The following FRAS1 variants were observed in gnomAD, a reference collection of about 807,000 sequenced individuals.
The protein encoded by FRAS1 is Fraser extracellular matrix complex subunit 1.
Under a neutral mutation model 435.2 loss-of-function variants are expected in FRAS1, and 290 were observed. That is an observed-to-expected ratio of 0.67 (90% confidence interval 0.61 to 0.73). The LOEUF (loss-of-function observed/expected upper bound fraction) is 0.73, where lower values mean the gene tolerates loss of function less well. Ranked by LOEUF, FRAS1 falls within the 30% of genes least tolerant of loss-of-function variation. The pLI is 0.00. For synonymous variants in FRAS1, 1,800 were observed against 1,851.0 expected (o/e 0.97, Z 0.71); for missense variants, 4,860 against 5,001.5 (o/e 0.97, Z 0.85).
Position 78,278,720 on chromosome 4 carries a change from T to G in FRAS1, c.1047T>G (p.Cys349Trp). 1 of 1,601,766 alleles carries G rather than the reference T, an allele frequency of 6.2e-7. No homozygotes were observed. The highest frequency in any genetic ancestry group is 2.2e-5 in the East Asian group (1 of 44,808). ...CPECISRNGY[C>W]VYEETGEFMS... Reference sequence around the variant, plus strand: ...AATGCATTTCAAGGAATGGTTATTGTGTTTATGAAGAAACTGGAGAATTTG... The same window carrying G: ...AATGCATTTCAAGGAATGGTTATTGGGTTTATGAAGAAACTGGAGAATTTG... Residue 349 changes from cysteine to tryptophan, a missense_variant, in exon 10 of 74, where the codon TGT becomes TGG. Physicochemically the swap from Cys to Trp is radical, Grantham distance 215. Coordinates refer to ENST00000512123, the MANE Select transcript of FRAS1 (RefSeq NM_025074.7).
intron 2 of FRAS1, among the ~76,000 whole-genome samples, chr4:78,076,533 G>A (rs748656772): frequency 6.6e-6 from 1 of 152,138 alleles, no homozygotes; most frequent in Non-Finnish European, 1.5e-5. Context: ...CCTAAGTGTT[G>A]GAAAGTATAG....
chr4:78,286,246 G>A, intron 13 of FRAS1, 159 bp from the exon 14 acceptor site: 1 of 792,516 alleles, frequency 1.3e-6, no homozygotes, highest in Non-Finnish European at 2.2e-6. Flanking sequence ...GACATGAACT[G>A]TGTGCTATAC....
chr4:78,081,443 G>A (rs6843142), intron 2 of FRAS1, among the ~76,000 whole-genome samples: 101,000 of 152,024 alleles, frequency 0.66, 34,127 homozygotes, highest in East Asian at 0.86. Context: ...TTTGTAGCAA[G>A]ACTGTGATGC....
At chr4:78,504,449 A>AATTG (rs1231816338) in intron 61 of FRAS1, among the ~76,000 whole-genome samples, 10 of 152,178 alleles carry the variant, frequency 6.6e-5, no homozygotes, top group Non-Finnish European at 1.3e-4. Context: ...CTTCTTGTTG[A>AATTG]ATTGATCCCT....
Position 78,364,139 on chromosome 4 carries a change from C to G in FRAS1, c.2722+85C>G. The G allele has an allele frequency of 5.0e-6, 7 of 1,397,390 alleles. No homozygotes were observed. In the South Asian group the frequency reaches 5.6e-5, roughly 11 times the overall value. 86.6% of individuals were successfully genotyped at this position (1,397,390 alleles called of 1,614,324 possible). A position where few individuals can be genotyped will look rare whatever the true frequency, so the allele number is the denominator to read the frequency against. On this transcript the variant is annotated intron_variant, in intron 22 of 73. Coordinates refer to ENST00000512123, the MANE Select transcript of FRAS1 (RefSeq NM_025074.7). ...TGAAAGAAATGCGAGGTTCTTACTT[C>G]CATCTTCTCACCTGGTAGCCTTTAT... is the stretch of plus-strand genomic sequence containing the variant.
At chr4:78,065,900 G>T in intron 1 of FRAS1, 85 bp from the exon 2 acceptor site, 1 of 956,896 alleles carries the variant, frequency 1.0e-6, no homozygotes, top group Non-Finnish European at 1.7e-6. Flanking sequence ...GCATATAGAT[G>T]CAGTTTTAGC....
intron 33 of FRAS1, among the ~76,000 whole-genome samples, chr4:78,420,888 AT>A (rs1733755799): frequency 7.7e-5 from 3 of 39,196 alleles, no homozygotes; most frequent in Non-Finnish European, 2.0e-4. Context: ...ACATATATAT[AT>A]ATATATATAT....
intron 34 of FRAS1, among the ~76,000 whole-genome samples, chr4:78,423,960 G>A (rs1733900744): frequency 6.6e-6 from 1 of 152,184 alleles, no homozygotes; most frequent in Non-Finnish European, 1.5e-5. Context: ...TGGGATAAAT[G>A]CTGCAAGATA....
In FRAS1 at chr4:78,319,134, A is replaced by T. The variant is rs2110237861; in HGVS notation, c.2137+148A>T. 12 of 767,370 alleles carry T rather than the reference A, an allele frequency of 1.6e-5. 1 individual carries two copies. In the South Asian group the frequency reaches 2.0e-4, roughly 13 times the overall value. The allele number at this position is 767,370 out of a possible 1,614,324, so 47.5% of individuals were successfully genotyped here. On this transcript the variant is annotated intron_variant, in intron 18 of 73. Transcript: ENST00000512123. Reference sequence around the variant, plus strand: ...AATAAAGCAGGAGACCAACGTGCAAAAGAGTAGCCCCCACCAATAGCCTCC... The same window carrying T: ...AATAAAGCAGGAGACCAACGTGCAATAGAGTAGCCCCCACCAATAGCCTCC...
chr4:78,304,282 A>G (rs1728583594), intron 14 of FRAS1, among the ~76,000 whole-genome samples: 1 of 152,314 alleles, frequency 6.6e-6, no homozygotes, highest in South Asian at 2.1e-4. Context: ...GTATTTTTGC[A>G]TCAATGTTCA....
Position 78,258,280 on chromosome 4 carries a change from G to T in FRAS1, c.603+2905G>T, listed in dbSNP as rs540439015. ...CTCTTGAGCCTGGGAGGTTGAGGCT[G>T]CAGTGAGCCGTGATCATGTCACTGC... On this transcript the variant is annotated intron_variant, in intron 6 of 73. Coordinates refer to ENST00000512123, the MANE Select transcript of FRAS1 (RefSeq NM_025074.7). 4.6e-5 allele frequency among the ~76,000 whole-genome samples: 7 copies of T among 151,518 alleles called. No homozygotes were observed. In the South Asian group the frequency reaches 1.5e-3, roughly 32 times the overall value.
intron 56 of FRAS1, among the ~76,000 whole-genome samples, 190 bp downstream of exon 56, chr4:78,479,908 C>T (rs1156682716): frequency 6.6e-6 from 1 of 152,068 alleles, no homozygotes; most frequent in East Asian, 1.9e-4. Flanking sequence ...AGAGTTCCAT[C>T]CACTTTTCTT....
At chr4:78,072,897 T>A (rs773263528) in intron 2 of FRAS1, among the ~76,000 whole-genome samples, 23 of 152,130 alleles carry the variant, frequency 1.5e-4, no homozygotes, top group African/African-American at 5.6e-4. Flanking sequence ...AAGTTGAGAC[T>A]AGACAAACAG....
chr4:78,209,845 A>G (rs775520566), intron 2 of FRAS1, among the ~76,000 whole-genome samples: 1 of 152,184 alleles, frequency 6.6e-6, no homozygotes, highest in East Asian at 1.9e-4. Flanking sequence ...GGCTAATTTC[A>G]TTCACCTTCT....
At chr4:78,414,279 A>G (rs898569382) in intron 32 of FRAS1, among the ~76,000 whole-genome samples, 2 of 152,198 alleles carry the variant, frequency 1.3e-5, no homozygotes, top group Admixed American at 6.5e-5. Context: ...GGTCTTGCCA[A>G]ATGCTAATGC....
At chr4:78,186,163 A>T (rs139799521) in intron 2 of FRAS1, among the ~76,000 whole-genome samples, 219 of 152,332 alleles carry the variant, frequency 1.4e-3, no homozygotes, top group African/African-American at 5.1e-3. Flanking sequence ...CTTTTTCCAC[A>T]AACAGCTTTG....
In FRAS1 at chr4:78,183,564, T is replaced by C. The variant is rs1032522123; in HGVS notation, c.109-53946T>C. Among the ~76,000 whole-genome samples, 11 of 152,324 alleles carry C rather than the reference T, an allele frequency of 7.2e-5. 1 individual carries two copies. The South Asian group carries it at 2.1e-3, about 29-fold the overall frequency. On this transcript the variant is annotated intron_variant, in intron 2 of 73. Transcript: ENST00000512123. ...TTTTGGACATAATAAAGAGTGACCT[T>C]GCCTTACTTTCCTGTCAAATTATCT... is the stretch of plus-strand genomic sequence containing the variant.
At chr4:78,491,263 T>C (rs1720343343) in intron 59 of FRAS1, among the ~76,000 whole-genome samples, 1 of 152,166 alleles carries the variant, frequency 6.6e-6, no homozygotes, top group Non-Finnish European at 1.5e-5. Flanking sequence ...TCTGAAACTA[T>C]TCCAAACAAT....
chr4:78,414,841 T>A (rs1047077989), intron 32 of FRAS1, among the ~76,000 whole-genome samples: 54 of 152,174 alleles, frequency 3.5e-4, no homozygotes, highest in African/African-American at 1.2e-3. Flanking sequence ...GAACTTTGAG[T>A]TTAAAAGAGG....
Sources: gnomAD v4.1 joint callset for allele counts (sites outside exome capture counted in the v4.1 genomes callset) on GRCh38, gnomAD v4.1.1 for gene constraint, MANE v1.5 for transcripts, NCBI Gene and HGNC (gene_info 2026-07-23, HGNC 2026-07-21) for gene names.